Variants in LRP1B observed in about 807,000 individuals in gnomAD.
The protein encoded by LRP1B is low-density lipoprotein receptor-related protein 1B.
Under a neutral mutation model 556.6 loss-of-function variants are expected in LRP1B, and 217 were observed. That is an observed-to-expected ratio of 0.39 (90% CI 0.35 to 0.44). LRP1B has a LOEUF of 0.44. LRP1B is among the 20% of genes least tolerant of loss of function. The pLI, the probability that LRP1B is intolerant of heterozygous loss-of-function variation, is 1.00. For synonymous variants in LRP1B, 2,047 were observed against 1,865.8 expected, an observed-to-expected ratio of 1.10 and a Z score of -2.50; for missense variants, 5,053 against 5,620.8, an observed-to-expected ratio of 0.90 and a Z score of 3.23.
intron 3 of LRP1B, among the ~76,000 whole-genome samples, chr2:141,359,553 C>T (rs1373016137): frequency 6.6e-6 from 1 of 152,098 alleles, no homozygotes; most frequent in Non-Finnish European, 1.5e-5. Flanking sequence ...GTCAGGAATT[C>T]AAGACCAGCC....
intron 43 of LRP1B, among the ~76,000 whole-genome samples, chr2:140,585,732 A>G (rs545695132): frequency 6.6e-6 from 1 of 152,144 alleles, no homozygotes; most frequent in African/African-American, 2.4e-5. Flanking sequence ...GCAATGTCAT[A>G]TATTCATATA....
intron 86 of LRP1B, among the ~76,000 whole-genome samples, chr2:140,253,834 G>A (rs180935539): frequency 8.4e-4 from 128 of 152,174 alleles, no homozygotes; most frequent in African/African-American, 3.0e-3. Flanking sequence ...ATAAAAGTAG[G>A]CCATTACATT....
intron 23 of LRP1B, among the ~76,000 whole-genome samples, chr2:140,887,712 T>C (rs1295306949): frequency 6.6e-6 from 1 of 152,182 alleles, no homozygotes; most frequent in Non-Finnish European, 1.5e-5. Flanking sequence ...ATGATAGATA[T>C]ATTATTCATC....
intron 3 of LRP1B, among the ~76,000 whole-genome samples, chr2:141,392,074 C>T (rs1690069293): frequency 6.6e-6 from 1 of 152,012 alleles, no homozygotes; most frequent in Non-Finnish European, 1.5e-5. Context: ...AAAATTATGA[C>T]CTCTGGATTG....
intron 1 of LRP1B, among the ~76,000 whole-genome samples, chr2:141,963,953 GACAA>G (rs1385075543): frequency 9.8e-6 from 1 of 101,908 alleles, no homozygotes; most frequent in Admixed American, 1.1e-4. Context: ...ACCAACAACA[GACAA>G]ACAGAGAGCC....
At chr2:141,730,489 C>G (rs775609809) in intron 2 of LRP1B, among the ~76,000 whole-genome samples, 1 of 152,140 alleles carries the variant, frequency 6.6e-6, no homozygotes, top group Non-Finnish European at 1.5e-5. Flanking sequence ...TGCCATGATA[C>G]GTGCTTACTT....
At chr2:141,397,026 T>G (rs1259410824) in intron 3 of LRP1B, among the ~76,000 whole-genome samples, 2 of 145,198 alleles carry the variant, frequency 1.4e-5, no homozygotes, top group Non-Finnish European at 3.0e-5. Flanking sequence ...GGGAAGAGAA[T>G]CGCTTGAACC....
intron 1 of LRP1B, among the ~76,000 whole-genome samples, chr2:141,978,481 C>T (rs1701947172): frequency 6.6e-6 from 1 of 151,798 alleles, no homozygotes; most frequent in Non-Finnish European, 1.5e-5. Flanking sequence ...TAAAAATAAG[C>T]TTATATTTCT....
intron 43 of LRP1B, among the ~76,000 whole-genome samples, chr2:140,575,516 C>G (rs1681485455): frequency 6.6e-6 from 1 of 152,122 alleles, no homozygotes; most frequent in Non-Finnish European, 1.5e-5. Context: ...TCAAAATCAT[C>G]TTACTTTTAG....
At chr2:141,608,987 A>AGT (rs1688015467) in intron 2 of LRP1B, among the ~76,000 whole-genome samples, 1 of 152,184 alleles carries the variant, frequency 6.6e-6, no homozygotes, top group African/African-American at 2.4e-5. Context: ...GTTGGATAGC[A>AGT]CTTCTTTAAT....
intron 2 of LRP1B, among the ~76,000 whole-genome samples, chr2:141,613,089 T>C (rs1688166417): frequency 6.6e-6 from 1 of 152,138 alleles, no homozygotes; most frequent in South Asian, 2.1e-4. Flanking sequence ...ATTATAGGCA[T>C]GAGCCACCGC....
At chr2:140,552,451 T>A (rs1481969243) in intron 43 of LRP1B, among the ~76,000 whole-genome samples, 1 of 152,134 alleles carries the variant, frequency 6.6e-6, no homozygotes, top group Non-Finnish European at 1.5e-5. Flanking sequence ...ATTTAGTCCA[T>A]AATTATGCAC....
intron 1 of LRP1B, among the ~76,000 whole-genome samples, chr2:142,117,752 C>T (rs1401427859): frequency 6.6e-6 from 1 of 152,050 alleles, no homozygotes; most frequent in Non-Finnish European, 1.5e-5. Flanking sequence ...GGCCTGTAAC[C>T]CTGGGCCCAC....
intron 20 of LRP1B, among the ~76,000 whole-genome samples, chr2:140,941,573 A>G (rs751485711): frequency 2.0e-5 from 3 of 152,126 alleles, no homozygotes; most frequent in Non-Finnish European, 2.9e-5. Flanking sequence ...CTTACATACC[A>G]TCTACTGGAT....
chr2:141,504,349 T>G (rs16846333), intron 2 of LRP1B, among the ~76,000 whole-genome samples: 1 of 152,078 alleles, frequency 6.6e-6, no homozygotes, highest in South Asian at 2.1e-4. Flanking sequence ...CAGTAAGGCC[T>G]TATTTACTAT....
chr2:140,869,274 A>C (rs1206426002), intron 25 of LRP1B, among the ~76,000 whole-genome samples: 1 of 152,072 alleles, frequency 6.6e-6, no homozygotes, highest in Admixed American at 6.6e-5. Flanking sequence ...CATGTACTTT[A>C]TTCCTTTTGG....
intron 3 of LRP1B, among the ~76,000 whole-genome samples, chr2:141,451,340 G>T (rs898038780): frequency 6.6e-6 from 1 of 152,128 alleles, no homozygotes; most frequent in Non-Finnish European, 1.5e-5. Context: ...CAATTTAAAA[G>T]CTCAGTATTG....
At chr2:141,468,022 T>C (rs903396351) in intron 3 of LRP1B, among the ~76,000 whole-genome samples, 1 of 152,096 alleles carries the variant, frequency 6.6e-6, no homozygotes, top group African/African-American at 2.4e-5. Context: ...TATGTTTCTT[T>C]AGATGTTTCC....
intron 35 of LRP1B, among the ~76,000 whole-genome samples, chr2:140,738,971 T>A (rs288124): frequency 0.93 from 140,958 of 152,224 alleles, 65,430 homozygotes; most frequent in Non-Finnish European, 0.96. Flanking sequence ...ATACGGGGTC[T>A]CTGATGTTGC....
Sources: gnomAD v4.1 joint callset for allele counts (sites outside exome capture counted in the v4.1 genomes callset) on GRCh38, gnomAD v4.1.1 for gene constraint, MANE v1.5 for transcripts, NCBI Gene and HGNC (gene_info 2026-07-23, HGNC 2026-07-21) for gene names.